Variants in MYO18B observed in about 807,000 individuals in gnomAD.
The protein encoded by MYO18B is unconventional myosin-XVIIIb.
In MYO18B, 204 loss-of-function variants were observed where a neutral mutation model predicts 273.0. The ratio of observed to expected loss-of-function variants is 0.75; its 90% CI spans 0.67 to 0.84. The LOEUF (loss-of-function observed/expected upper bound fraction) is 0.84, where lower values mean the gene tolerates loss of function less well. Among genes scored for constraint, MYO18B ranks in the 40% least tolerant of loss-of-function variants. The pLI, the probability that MYO18B is intolerant of heterozygous loss-of-function variation, is 0.00. For synonymous variants in MYO18B, 1,330 were observed against 1,305.7 expected (o/e 1.02, Z -0.40); for missense variants, 3,212 against 3,287.6 (o/e 0.98, Z 0.56).
chr22:26,012,783 T>G (rs2146952658), intron 42 of MYO18B, among the ~76,000 whole-genome samples: 1 of 152,350 alleles, frequency 6.6e-6, no homozygotes, highest in Non-Finnish European at 1.5e-5. Context: ...GAACATTCTT[T>G]TAAAATCTGT....
chr22:25,768,196 G>C lies in MYO18B; in HGVS notation c.280G>C (p.Asp94His). Residue 94 changes from aspartate to histidine, a missense_variant, in exon 4 of 44, where the codon GAC (aspartate) becomes CAC (histidine). Transcript: ENST00000335473. ...TGGAAGCCAGCAGATCTCTCAGGAC[G>C]ACCAGTCAAGCTCTCCTGGGAGCTC... ...RSGSQQISQDDQSSSPGSSDI... is the reference protein window; with the variant it reads ...RSGSQQISQDHQSSSPGSSDI... 6.2e-7 allele frequency: 1 copy of C among 1,613,892 alleles called. No homozygotes were observed. Among genetic ancestry groups the C allele is most frequent in the Non-Finnish European group, 8.5e-7 (1 of 1,179,862 alleles).
At chr22:26,034,770 G>A (rs1395308881), downstream of MYO18B, among the ~76,000 whole-genome samples, 1 of 152,212 alleles carries the variant, frequency 6.6e-6, no homozygotes, top group East Asian at 1.9e-4. Flanking sequence ...AGGACTAGAT[G>A]AAAGCCTCAA....
At chr22:25,835,832 A>G (rs2089880059) in intron 17 of MYO18B, among the ~76,000 whole-genome samples, 1 of 152,224 alleles carries the variant, frequency 6.6e-6, no homozygotes, top group East Asian at 1.9e-4. Flanking sequence ...AGCCAGGAAC[A>G]CGATGCAGGA....
chr22:26,036,874 A>G, the MYO18B span, among the ~76,000 whole-genome samples: 1 of 152,236 alleles, frequency 6.6e-6, no homozygotes, highest in African/African-American at 2.4e-5. Context: ...AGCAATTTTC[A>G]TTGTTCAGCG....
chr22:26,039,190 TC>T, the MYO18B span, among the ~76,000 whole-genome samples: 1 of 152,136 alleles, frequency 6.6e-6, no homozygotes, highest in Non-Finnish European at 1.5e-5. Context: ...GGTCTTTCTC[TC>T]CCAGTCCACT....
chr22:25,786,202 T>C (rs2087380431), intron 11 of MYO18B, among the ~76,000 whole-genome samples: 1 of 152,202 alleles, frequency 6.6e-6, no homozygotes, highest in Non-Finnish European at 1.5e-5. Flanking sequence ...TCCTCATCCA[T>C]GGATTTTCAC....
intron 1 of MYO18B, among the ~76,000 whole-genome samples, chr22:25,745,673 A>G (rs1200518884): frequency 6.6e-6 from 1 of 151,030 alleles, no homozygotes; most frequent in Non-Finnish European, 1.5e-5. Flanking sequence ...GTTTCTGGCA[A>G]CAGAGGAAAG....
chr22:25,823,202 C>A lies in MYO18B; in HGVS notation c.2522-303C>A, dbSNP rs147939906. 1.6e-3 allele frequency among the ~76,000 whole-genome samples: 248 copies of A among 152,258 alleles called. 1 individual carries two copies. The highest frequency in any genetic ancestry group is 5.7e-3 in the African/African-American group (236 of 41,526). ...TGGATATGTGGGTGGGTGAATCAAT[C>A]ATAATTTTACCAACCATCCCCCAAT... is the stretch of plus-strand genomic sequence containing the variant. On this transcript the variant is annotated intron_variant, in intron 12 of 43. Transcript: ENST00000335473.
At chr22:25,874,630 T>C (rs2091142053) in intron 23 of MYO18B, among the ~76,000 whole-genome samples, 1 of 152,136 alleles carries the variant, frequency 6.6e-6, no homozygotes, top group Non-Finnish European at 1.5e-5. Context: ...AGCCATGAGG[T>C]TGTCCAAGCC....
intron 34 of MYO18B, among the ~76,000 whole-genome samples, chr22:25,938,028 G>A (rs1471155525): frequency 6.6e-6 from 1 of 152,192 alleles, no homozygotes; most frequent in Non-Finnish European, 1.5e-5. Context: ...TCAAGGCCTG[G>A]GATGTGTTGA....
chr22:26,011,860 A>T, intron 42 of MYO18B, among the ~76,000 whole-genome samples: 1 of 152,224 alleles, frequency 6.6e-6, no homozygotes, highest in East Asian at 1.9e-4. Context: ...TTTGCTAATT[A>T]CTGTTGTATG....
chr22:25,868,542 A>G (rs200585167), intron 22 of MYO18B, among the ~76,000 whole-genome samples, 157 bp downstream of exon 22: 1 of 152,190 alleles, frequency 6.6e-6, no homozygotes, highest in East Asian at 1.9e-4. Flanking sequence ...CCTATCTTAC[A>G]AGGTCCTGGA....
chr22:25,863,583 C>T (rs1028186618), intron 21 of MYO18B, among the ~76,000 whole-genome samples: 8 of 152,198 alleles, frequency 5.3e-5, no homozygotes, highest in African/African-American at 1.9e-4. Flanking sequence ...TTAAATCTGA[C>T]TTCCCAGGAG....
intron 11 of MYO18B, among the ~76,000 whole-genome samples, chr22:25,790,682 C>CT (rs1283549746): frequency 6.6e-6 from 1 of 152,240 alleles, no homozygotes; most frequent in African/African-American, 2.4e-5. Flanking sequence ...AAAATCACAT[C>CT]TTTTCAATTT....
the MYO18B span, among the ~76,000 whole-genome samples, chr22:26,058,493 C>G: frequency 1.1e-4 from 17 of 152,186 alleles, no homozygotes; most frequent in East Asian, 1.9e-3. Context: ...CACTGTGCTT[C>G]AGGGACTGCA....
At chr22:25,824,965 A>G (rs1003291586) in intron 13 of MYO18B, among the ~76,000 whole-genome samples, 3 of 152,088 alleles carry the variant, frequency 2.0e-5, no homozygotes, top group African/African-American at 7.2e-5. Context: ...GCAAGCATAC[A>G]CAGCACACAC....
In MYO18B at chr22:25,846,261, G is replaced by A; in HGVS notation, c.3530G>A (p.Cys1177Tyr). 2 of 1,611,920 alleles carry A rather than the reference G, an allele frequency of 1.2e-6. No homozygotes were observed. The highest frequency in any genetic ancestry group is 1.7e-6 in the Non-Finnish European group (2 of 1,179,808). ...GCCGCGGTGAGGAGGAAAGCCCCGT[G>A]CTCCCAGATCAAGCTGCAGATGGTG... Reference protein sequence around the residue: ...SLAAVRRKAPCSQIKLQMDAL... With the variant: ...SLAAVRRKAPYSQIKLQMDAL... The change falls in exon 19 of 44, where the codon TGC (cysteine) becomes TAC (tyrosine). Residue 1177 changes from cysteine (C) to tyrosine (Y), a missense_variant. Physicochemically the swap from Cys to Tyr is radical, Grantham distance 194. Transcript: ENST00000335473.
intron 1 of MYO18B, among the ~76,000 whole-genome samples, chr22:25,750,732 G>A (rs2085907683): frequency 6.6e-6 from 1 of 152,230 alleles, no homozygotes; most frequent in Admixed American, 6.5e-5. Context: ...GGGAGGGCAG[G>A]TGACAGCGGG....
chr22:25,899,806 C>CTGATGGTTCAGATGAGTGAG (rs1249326175), intron 29 of MYO18B: 2 of 152,192 alleles, frequency 1.3e-5, no homozygotes, highest in Non-Finnish European at 2.9e-5. Flanking sequence ...CAGAGAGTGA[C>CTGATGGTTCAGATGAGTGAG]TGATGGTTCA....
Sources: gnomAD v4.1 joint callset for allele counts (sites outside exome capture counted in the v4.1 genomes callset) on GRCh38, gnomAD v4.1.1 for gene constraint, MANE v1.5 for transcripts, NCBI Gene and HGNC (gene_info 2026-07-23, HGNC 2026-07-21) for gene names.